The following INTU variants were observed in gnomAD, a reference collection of about 807,000 sequenced individuals.
INTU encodes protein inturned.
INTU carries 68 observed loss-of-function variants against 100.5 expected under a neutral mutation model. The ratio of observed to expected loss-of-function variants is 0.68; its 90% CI spans 0.56 to 0.83. The LOEUF (loss-of-function observed/expected upper bound fraction) is 0.83, where lower values mean the gene tolerates loss of function less well. Among genes scored for constraint, INTU ranks in the 40% least tolerant of loss-of-function variants. The pLI, the probability that INTU is intolerant of heterozygous loss-of-function variation, is 0.00. For missense variants in INTU, 1,071 were observed against 1,114.7 expected (o/e 0.96, Z 0.56); for synonymous variants, 357 against 395.7 (o/e 0.90, Z 1.16).
chr4:127,713,371 G>T (rs1353914694), intron 14 of INTU, among the ~76,000 whole-genome samples: 1 of 152,172 alleles, frequency 6.6e-6, no homozygotes, highest in African/African-American at 2.4e-5. Context: ...TCCACTGTTT[G>T]CCCTGAAACT....
At chr4:127,678,676 G>A (rs1386684044) in intron 6 of INTU, among the ~76,000 whole-genome samples, 1 of 152,144 alleles carries the variant, frequency 6.6e-6, no homozygotes, top group Non-Finnish European at 1.5e-5. Context: ...ATCGAGGCTA[G>A]GAAGAAACTG....
intron 2 of INTU, among the ~76,000 whole-genome samples, chr4:127,653,560 A>G (rs1728013016): frequency 1.3e-5 from 2 of 152,150 alleles, no homozygotes; most frequent in Non-Finnish European, 2.9e-5. Flanking sequence ...CCTGAGTTGT[A>G]GTTTGATTGC....
chr4:127,684,207 C>T (rs1019527490), intron 6 of INTU, among the ~76,000 whole-genome samples: 9 of 151,992 alleles, frequency 5.9e-5, no homozygotes, highest in African/African-American at 2.2e-4. Context: ...TTATAAAATC[C>T]CTGTTAGATT....
chr4:127,659,894 T>C (rs1231189374), intron 3 of INTU, among the ~76,000 whole-genome samples: 1 of 152,202 alleles, frequency 6.6e-6, no homozygotes, highest in African/African-American at 2.4e-5. Flanking sequence ...TAACTTTTAT[T>C]ATTTCCTTGT....
intron 14 of INTU, among the ~76,000 whole-genome samples, 199 bp from the exon 15 acceptor site, chr4:127,713,736 AG>A (rs1256532856): frequency 6.6e-6 from 1 of 152,204 alleles, no homozygotes; most frequent in Non-Finnish European, 1.5e-5. Flanking sequence ...AGAAAAGTCA[AG>A]GGACACTTTA....
At position 127,711,071 on chromosome 4, in the gene INTU, G is replaced by A. The variant is rs750219607; in HGVS notation, c.2528G>A (p.Arg843His). The A allele has an allele frequency of 4.5e-5, 72 of 1,598,226 alleles. 1 individual carries two copies. The South Asian group carries it at 5.5e-4, about 12-fold the overall frequency. The change falls in exon 14 of 16, where the codon CGT (arginine) becomes CAT (histidine). Residue 843 changes from arginine to histidine, a missense_variant. Transcript: ENST00000335251. ...KNFHQCCLSI[R>H]AVFQQTLVEE... ...TTCCATCAGTGTTGTCTTTCCATTC[G>A]TGCAGTTTTCCAACAGACATTGGTG...
intron 1 of INTU, among the ~76,000 whole-genome samples, chr4:127,642,621 A>G (rs1165323693): frequency 1.3e-5 from 2 of 152,244 alleles, no homozygotes; most frequent in Admixed American, 6.5e-5. Flanking sequence ...GACTCTCTAC[A>G]TGTTAATTTT....
At chr4:127,713,550 A>G (rs981440882) in intron 14 of INTU, among the ~76,000 whole-genome samples, 2 of 152,208 alleles carry the variant, frequency 1.3e-5, no homozygotes, top group African/African-American at 4.8e-5. Context: ...TTAAGCACCT[A>G]CTATGAACCA....
intron 2 of INTU, among the ~76,000 whole-genome samples, chr4:127,655,737 G>C: frequency 6.6e-6 from 1 of 152,224 alleles, no homozygotes. Flanking sequence ...TCCTTGAGCT[G>C]TGGTGGGCTC....
At chr4:127,695,762 C>T (rs1199778655) in intron 8 of INTU, among the ~76,000 whole-genome samples, 1 of 152,130 alleles carries the variant, frequency 6.6e-6, no homozygotes, top group Non-Finnish European at 1.5e-5. Flanking sequence ...AGGGGACATC[C>T]TTGCCCCTTT....
At position 127,690,063 on chromosome 4, in the gene INTU, G is replaced by T. The variant is rs143001828; in HGVS notation, c.1449+2196G>T. On this transcript the variant is annotated intron_variant, in intron 8 of 15. Transcript: ENST00000335251. ...GTCCCTTCTTTCTGTGATAGTAGAG[G>T]TACTTAATGTTTTAGGGGCAGTGTG... Among the ~76,000 whole-genome samples, 918 of 152,156 alleles carry T rather than the reference G, an allele frequency of 6.0e-3. 7 individuals carry two copies. Among genetic ancestry groups the T allele is most frequent in the Middle Eastern group, 0.02 (6 of 294 alleles).
chr4:127,647,453 A>G (rs528560215), intron 2 of INTU, among the ~76,000 whole-genome samples: 51 of 152,258 alleles, frequency 3.3e-4, no homozygotes, highest in Middle Eastern at 6.8e-3. Flanking sequence ...AGTCTCTCTC[A>G]TGCTGACCCT....
At position 127,689,974 on chromosome 4, in the gene INTU, C is replaced by G. The variant is rs556125492; in HGVS notation, c.1449+2107C>G. 8.5e-4 allele frequency among the ~76,000 whole-genome samples: 129 copies of G among 152,234 alleles called. 2 individuals are homozygous for G. The highest frequency in any genetic ancestry group is 3.0e-3 in the African/African-American group (123 of 41,564). ...GGCTTGCCATTCTACCTGGCCATTA[C>G]TTAGGTTCTTGCCCCTCTGTCAGAA... On this transcript the variant is annotated intron_variant, in intron 8 of 15. Transcript: ENST00000335251.
chr4:127,656,724 A>G lies in INTU; in HGVS notation c.768+3A>G. On this transcript the variant is annotated splice_donor_region_variant and intron_variant, in intron 3 of 15. Transcript: ENST00000335251. ...CTTGCATTCCTGGACCTATGCAGGT[A>G]TGGACATTCTTTTTCTATATTTTAT... The G allele has an allele frequency of 6.4e-7, 1 of 1,556,536 alleles. No individual in the cohort carries two copies. Among genetic ancestry groups the G allele is most frequent in the Non-Finnish European group, 8.8e-7 (1 of 1,133,862 alleles).
At chr4:127,644,969 A>G (rs538214135) in intron 2 of INTU, among the ~76,000 whole-genome samples, 19 of 152,314 alleles carry the variant, frequency 1.2e-4, no homozygotes, top group Non-Finnish European at 2.2e-4. Context: ...TACTGATCCA[A>G]TTATTTCTTG....
At chr4:127,706,404 A>G (rs983747217) in intron 11 of INTU, 83 bp from the exon 12 acceptor site, 2 of 1,200,074 alleles carry the variant, frequency 1.7e-6, no homozygotes, top group South Asian at 3.1e-5. Context: ...TATGTCTTCG[A>G]TATTTATAAG....
intron 1 of INTU, among the ~76,000 whole-genome samples, chr4:127,639,009 G>A (rs1727194047): frequency 6.6e-6 from 1 of 151,984 alleles, no homozygotes; most frequent in African/African-American, 2.4e-5. Context: ...AGTAAGTTTA[G>A]ATTTACACAA....
intron 2 of INTU, among the ~76,000 whole-genome samples, chr4:127,655,743 G>T (rs1379724600): frequency 1.3e-5 from 2 of 152,160 alleles, no homozygotes; most frequent in Non-Finnish European, 2.9e-5. Flanking sequence ...AGCTGTGGTG[G>T]GCTCCACCCA....
intron 2 of INTU, among the ~76,000 whole-genome samples, chr4:127,647,565 A>G (rs1265439381): frequency 6.6e-6 from 1 of 152,168 alleles, no homozygotes; most frequent in Non-Finnish European, 1.5e-5. Flanking sequence ...TACAACTGCA[A>G]AGTCCTTCTT....
Sources: gnomAD v4.1 joint callset for allele counts (sites outside exome capture counted in the v4.1 genomes callset) on GRCh38, gnomAD v4.1.1 for gene constraint, MANE v1.5 for transcripts, NCBI Gene and HGNC (gene_info 2026-07-23, HGNC 2026-07-21) for gene names.